The following YJU2B variants were observed in gnomAD, a reference collection of about 807,000 sequenced individuals.
The protein encoded by YJU2B is YJU2 splicing factor homolog B.
A neutral mutation model predicts 38.0 loss-of-function variants in YJU2B; 18 were observed. The observed-to-expected ratio is 0.47, with a 90% CI of 0.33 to 0.70. The LOEUF (loss-of-function observed/expected upper bound fraction) is 0.70, where lower values mean the gene tolerates loss of function less well. YJU2B is among the 30% of genes least tolerant of loss of function. The probability of loss-of-function intolerance (pLI) is 0.02; values close to 1 mark genes in which losing one functional copy is unlikely to be tolerated. For missense variants in YJU2B, 538 were observed against 556.3 expected (o/e 0.97, Z 0.33); for synonymous variants, 246 against 225.4 (o/e 1.09, Z -0.82).
chr19:13,753,986 C>T (rs947179193), intron 2 of YJU2B, among the ~76,000 whole-genome samples: 1 of 151,940 alleles, frequency 6.6e-6, no homozygotes, highest in Non-Finnish European at 1.5e-5. Context: ...GCCTGGCCAA[C>T]ATGGTGAAAC....
chr19:13,762,722 C>A lies in YJU2B; in HGVS notation c.845C>A (p.Ala282Glu). ...AAGCTGGCACAGAGCCGCAGAACCG[C>A]GCTTGCCACCTCCCCCATCACCGTC... Reference protein sequence around the residue: ...LKKLAQSRRTALATSPITVGD... With the variant: ...LKKLAQSRRTELATSPITVGD... Residue 282 changes from alanine (A) to glutamate (E), a missense_variant, in exon 10 of 10, where the codon GCG becomes GAG. Ala to Glu is a moderately radical substitution (Grantham distance 107, BLOSUM62 -1). Coordinates refer to ENST00000221554, the MANE Select transcript of YJU2B (RefSeq NM_030818.4). 6.2e-7 allele frequency: 1 copy of A among 1,607,904 alleles called. No homozygotes were observed. The highest frequency in any genetic ancestry group is 2.2e-5 in the East Asian group (1 of 44,844).
At chr19:13,733,959 A>G (rs767110136) in intron 2 of YJU2B, among the ~76,000 whole-genome samples, 71 of 152,126 alleles carry the variant, frequency 4.7e-4, no homozygotes, top group South Asian at 3.1e-3. Flanking sequence ...GCAGGATCTC[A>G]CTCTGTCCCC....
Position 13,753,832 on chromosome 19 carries a change from T to C in YJU2B, c.4-457T>C, listed in dbSNP as rs114023656. Reference sequence around the variant, plus strand: ...GAACAGCATGATTCGCCCCCATGATTCGATTCAGTTACCTCCCACCAGGTC... The same window carrying C: ...GAACAGCATGATTCGCCCCCATGATCCGATTCAGTTACCTCCCACCAGGTC... On this transcript the variant is annotated intron_variant, in intron 2 of 9. Transcript: ENST00000221554. 7.3e-3 allele frequency among the ~76,000 whole-genome samples: 1,105 copies of C among 152,136 alleles called. 17 individuals are homozygous for C. The highest frequency in any genetic ancestry group is 0.025 in the African/African-American group (1,031 of 41,516).
At chr19:13,752,640 A>C (rs1268999910) in intron 2 of YJU2B, among the ~76,000 whole-genome samples, 2 of 152,096 alleles carry the variant, frequency 1.3e-5, no homozygotes, top group Non-Finnish European at 2.9e-5. Context: ...GCCACTCTGG[A>C]GGGTGAGGCA....
rs143407773 is a variant in YJU2B, at chr19:13,736,784, C to T, written c.-202+4499C>T. On this transcript the variant is annotated intron_variant, in intron 2 of 10. Transcript: ENST00000586600. ...CGGTAGCTCACGCCTGTCGTCCCAG[C>T]ACTTTGGGAAGCCGAGGCAGGTGGA... is the stretch of plus-strand genomic sequence containing the variant. Among the ~76,000 whole-genome samples, 657 of 151,878 alleles carry T rather than the reference C, an allele frequency of 4.3e-3. 3 individuals carry two copies. The highest frequency in any genetic ancestry group is 0.015 in the African/African-American group (636 of 41,488).
At chr19:13,761,896 A>G (rs989378882) in intron 8 of YJU2B, among the ~76,000 whole-genome samples, 2 of 151,848 alleles carry the variant, frequency 1.3e-5, no homozygotes, top group Non-Finnish European at 2.9e-5. Context: ...GCTAATTTTT[A>G]TATTTTTAAT....
At chr19:13,743,154 T>TTTTTTTTTTTTTTTTTTTTTTTTTTG (rs1568279372), upstream of YJU2B, among the ~76,000 whole-genome samples, 1 of 152,178 alleles carries the variant, frequency 6.6e-6, no homozygotes, top group African/African-American at 2.4e-5. Flanking sequence ...GGGGGTTTTT[T>TTTTTTTTTTTTTTTTTTTTTTTTTTG]AAGGCAGGTG....
Position 13,751,701 on chromosome 19 carries a change from G to A in YJU2B, c.-108G>A, listed in dbSNP as rs1599517111. ...CCACGACATCTTCGCAGGGAAGCCTGTGGACCCTCTGCCAGGCTCCACAAG... is the reference window on the plus strand; with the variant it reads ...CCACGACATCTTCGCAGGGAAGCCTATGGACCCTCTGCCAGGCTCCACAAG... On this transcript the variant is annotated 5_prime_UTR_variant, in exon 2 of 10. In the 5' UTR this introduces an upstream ATG that the reference lacks. Coordinates refer to ENST00000221554, the MANE Select transcript of YJU2B (RefSeq NM_030818.4). 8.1e-7 allele frequency: 1 copy of A among 1,227,160 alleles called. No homozygotes were observed. The highest frequency in any genetic ancestry group is 2.4e-5 in the East Asian group (1 of 42,386). The allele number at this position is 1,227,160 out of a possible 1,614,324, so 76.0% of individuals were successfully genotyped here.
intron 2 of YJU2B, among the ~76,000 whole-genome samples, chr19:13,734,398 C>G (rs559783179): frequency 6.6e-6 from 1 of 151,956 alleles, no homozygotes; most frequent in South Asian, 2.1e-4. Context: ...TCAAGTGATT[C>G]TCCTGCCTCA....
chr19:13,761,727 T>A (rs11669693), intron 8 of YJU2B, among the ~76,000 whole-genome samples: 1,432 of 27,674 alleles, frequency 0.052, 16 homozygotes, highest in African/African-American at 0.15. Flanking sequence ...CAAAAAAAAA[T>A]TTTTTTTTTT....
At chr19:13,737,834 C>A (rs8113603) in intron 2 of YJU2B, among the ~76,000 whole-genome samples, 45,233 of 151,420 alleles carry the variant, frequency 0.3, 7,162 homozygotes, top group Middle Eastern at 0.52. Context: ...TGGTTAGTCT[C>A]CTATTGGACA....
intron 2 of YJU2B, among the ~76,000 whole-genome samples, chr19:13,734,555 G>T (rs1246463156): frequency 3.9e-5 from 6 of 152,156 alleles, no homozygotes; most frequent in Admixed American, 3.9e-4. Context: ...CTCCCGAAGT[G>T]CTGGGATTAC....
At position 13,762,779 on chromosome 19, in the gene YJU2B, G is replaced by A. The variant is rs779408960; in HGVS notation, c.902G>A (p.Arg301Gln). Residue 301 changes from arginine to glutamine, a missense_variant, in exon 10 of 10, where the codon CGG becomes CAG. Arg to Gln is a conservative substitution (Grantham distance 43, BLOSUM62 1). This residue lies in a region of YJU2B where 488 missense variants were observed against 469.5 expected (regional missense o/e 1.04). Coordinates refer to ENST00000221554, the MANE Select transcript of YJU2B (RefSeq NM_030818.4). ...GDLGIVRRRS[R>Q]DVPESPQHAA... ...CTGGGCATCGTGCGGCGGAGGTCTCGGGACGTCCCGGAGAGCCCCCAGCAT... is the reference window on the plus strand; with the variant it reads ...CTGGGCATCGTGCGGCGGAGGTCTCAGGACGTCCCGGAGAGCCCCCAGCAT... 6.2e-6 allele frequency: 10 copies of A among 1,602,720 alleles called. No individual in the cohort carries two copies. The highest frequency in any genetic ancestry group is 1.1e-5 in the South Asian group (1 of 89,860).
chr19:13,759,096 G>T lies in YJU2B; in HGVS notation c.401-4G>T. On this transcript the variant is annotated splice_region_variant and splice_polypyrimidine_tract_variant and intron_variant, in intron 7 of 9. Transcript: ENST00000221554. ...AAAGCCCAGCCGAGCTCTGATCGTT[G>T]CAGAGCATGAGAAGAAGCAGAAGCT... is the stretch of plus-strand genomic sequence containing the variant. 6.2e-7 allele frequency: 1 copy of T among 1,613,618 alleles called. No homozygotes were observed. Among genetic ancestry groups the T allele is most frequent in the Non-Finnish European group, 8.5e-7 (1 of 1,179,860 alleles).
At chr19:13,745,694 T>TAGATAG (rs1555699820), upstream of YJU2B, among the ~76,000 whole-genome samples, 53 of 37,130 alleles carry the variant, frequency 1.4e-3, 1 homozygote, top group Non-Finnish European at 1.9e-3. Flanking sequence ...TAGATAGATA[T>TAGATAG]AGATATATAG....
At chr19:13,738,377 G>C (rs1220962903) in intron 2 of YJU2B, among the ~76,000 whole-genome samples, 1 of 152,126 alleles carries the variant, frequency 6.6e-6, no homozygotes, top group African/African-American at 2.4e-5. Flanking sequence ...CTGATTCTTG[G>C]TATCCATTTC....
intron 8 of YJU2B, among the ~76,000 whole-genome samples, chr19:13,761,148 G>T (rs1009656407): frequency 6.6e-6 from 1 of 151,966 alleles, no homozygotes; most frequent in Admixed American, 6.5e-5. Flanking sequence ...GGGAGGCTGA[G>T]GCAGGCGGAT....
At chr19:13,756,850 A>G (rs2145152604) in intron 4 of YJU2B, among the ~76,000 whole-genome samples, 1 of 151,852 alleles carries the variant, frequency 6.6e-6, no homozygotes, top group Middle Eastern at 3.4e-3. Context: ...GGTGGCTCAC[A>G]CCTGTAATCC....
At position 13,762,327 on chromosome 19, in the gene YJU2B, A is replaced by C; in HGVS notation, c.602A>C (p.Glu201Ala). The part of the protein sequence containing the change: ...REKKKAIQEE[E>A]ERDQALQAKA... The stretch of plus-strand genomic sequence containing the variant: ...AAGAAAAAAGCCATCCAGGAGGAGG[A>C]GGAGAGAGACCAGGCCTTGCAGGCC... The change falls in exon 9 of 10, where the codon GAG becomes GCG. Residue 201 changes from glutamate (E) to alanine (A), a missense_variant. Physicochemically the swap from Glu to Ala is moderately radical, Grantham distance 107 (BLOSUM62 -1). Coordinates refer to ENST00000221554, the MANE Select transcript of YJU2B (RefSeq NM_030818.4). 1 of 1,613,772 alleles carries C rather than the reference A, an allele frequency of 6.2e-7. No homozygotes were observed. The highest frequency in any genetic ancestry group is 8.5e-7 in the Non-Finnish European group (1 of 1,179,994).
Sources: gnomAD v4.1 joint callset for allele counts (sites outside exome capture counted in the v4.1 genomes callset) on GRCh38, gnomAD v4.1.1 for gene constraint, gnomAD v4.1.1 regional missense constraint, MANE v1.5 for transcripts, NCBI Gene and HGNC (gene_info 2026-07-23, HGNC 2026-07-21) for gene names.